The following LRP2BP variants were observed in gnomAD, a reference collection of about 807,000 sequenced individuals.
LRP2BP encodes the protein LRP2 binding protein.
LRP2BP carries 38 observed loss-of-function variants against 45.2 expected under a neutral mutation model. The observed-to-expected ratio is 0.84, with a 90% CI of 0.65 to 1.10. LRP2BP has a LOEUF of 1.10. Among genes scored for constraint, LRP2BP ranks in the 50% least tolerant of loss-of-function variants. LRP2BP has a pLI of 0.00. For missense variants in LRP2BP, 385 were observed against 418.9 expected, an observed-to-expected ratio of 0.92 and a Z score of 0.71; for synonymous variants, 153 against 153.9, an observed-to-expected ratio of 0.99 and a Z score of 0.04.
In LRP2BP at chr4:185,374,464, T is replaced by G. The variant is rs1384476924; in HGVS notation, c.331-3A>C. 6.2e-7 allele frequency: 1 copy of G among 1,604,394 alleles called. No homozygotes were observed. On this transcript the variant is annotated splice_region_variant and splice_polypyrimidine_tract_variant and intron_variant, in intron 4 of 8. Coordinates refer to ENST00000505916, the MANE Select transcript of LRP2BP (RefSeq NM_001377440.1). Reference sequence around the variant, plus strand: ...TTCATATAGTCCACCCCTTTCTCCTTCGACAAAAGAAAGAGCAAAAAAACC... The same window carrying G: ...TTCATATAGTCCACCCCTTTCTCCTGCGACAAAAGAAAGAGCAAAAAAACC...
At chr4:185,376,766 A>C (rs771167239) in intron 3 of LRP2BP, 143 bp downstream of exon 3, 1 of 611,584 alleles carries the variant, frequency 1.6e-6, no homozygotes, top group African/African-American at 1.8e-5. Context: ...ACTGTATCCT[A>C]CTGTTAAAGC....
chr4:185,371,886 G>C (rs535692026), intron 7 of LRP2BP, among the ~76,000 whole-genome samples: 33 of 152,126 alleles, frequency 2.2e-4, no homozygotes, highest in Non-Finnish European at 2.9e-4. Flanking sequence ...GCTCGGAGAG[G>C]GGGGAGACCT....
intron 8 of LRP2BP, among the ~76,000 whole-genome samples, chr4:185,368,106 A>G (rs2095397264): frequency 6.6e-6 from 1 of 152,162 alleles, no homozygotes; most frequent in African/African-American, 2.4e-5. Flanking sequence ...TGAACCTGGG[A>G]GGCGGAGCTT....
intron 4 of LRP2BP, 100 bp from the exon 5 acceptor site, chr4:185,374,561 G>A (rs1266079294): frequency 8.0e-6 from 10 of 1,243,532 alleles, no homozygotes; most frequent in East Asian, 7.0e-5. Flanking sequence ...CCTCTGACAC[G>A]ATGTATAATA....
intron 1 of LRP2BP, among the ~76,000 whole-genome samples, chr4:185,380,356 G>A (rs994255987): frequency 3.9e-5 from 6 of 152,068 alleles, no homozygotes; most frequent in Non-Finnish European, 7.4e-5. Flanking sequence ...TCACAGTTCC[G>A]GAGCCTAGAA....
rs2095385429 is a variant in LRP2BP at position 185,365,692 on chromosome 4, ATAATAATAATAAT to A, written c.*1475_*1487del. 4.3e-5 allele frequency: 6 copies of A among 138,798 alleles called. No individual in the cohort carries two copies. Among genetic ancestry groups the A allele is most frequent in the African/African-American group, 1.1e-4 (4 of 35,600 alleles). The allele number at this position is 138,798 out of a possible 1,614,324, so 8.6% of individuals were successfully genotyped here. The stretch of plus-strand genomic sequence containing the variant: ...GAGACTCCGTCTCAAAAAAAAAAAA[ATAATAATAATAAT>A]AATAATAATAATCTTTAGGAACTGG... On this transcript the variant is annotated 3_prime_UTR_variant, in exon 9 of 9. Transcript: ENST00000505916.
At chr4:185,387,782 GGT>G in intron 1 of LRP2BP, among the ~76,000 whole-genome samples, 1 of 152,340 alleles carries the variant, frequency 6.6e-6, no homozygotes, top group East Asian at 1.9e-4. Flanking sequence ...TTCTTGCAGA[GGT>G]GGGCAGCGTC....
At position 185,372,915 on chromosome 4, in the gene LRP2BP, A is replaced by T. The variant is rs1386059035; in HGVS notation, c.744T>A (p.Asn248Lys). 1 of 1,613,366 alleles carries T rather than the reference A, an allele frequency of 6.2e-7. No individual in the cohort carries two copies. Among genetic ancestry groups the T allele is most frequent in the South Asian group, 1.1e-5 (1 of 91,054 alleles). Residue 248 changes from asparagine (N) to lysine (K), a missense_variant, in exon 7 of 9, where the codon AAT becomes AAA. By Grantham distance (94) the Asn-to-Lys change is moderately conservative (BLOSUM62 0). Transcript: ENST00000505916. ...TCATCTTATAGTAATACTCCACGAG[A>T]TTCCCTTGAGCATAGACGTTTCCGC... Reference protein sequence around the residue: ...AERGNVYAQGNLVEYYYKMKF... With the variant: ...AERGNVYAQGKLVEYYYKMKF...
chr4:185,395,206 G>A lies in LRP2BP; in HGVS notation c.-449C>T. The A allele has an allele frequency of 1.0e-6, 1 of 985,340 alleles. No homozygotes were observed. The highest frequency in any genetic ancestry group is 1.2e-6 in the Non-Finnish European group (1 of 829,888). 61.0% of individuals were successfully genotyped at this position (985,340 alleles called of 1,614,324 possible). On this transcript the variant is annotated 5_prime_UTR_variant, in exon 1 of 9. Coordinates refer to ENST00000505916, the MANE Select transcript of LRP2BP (RefSeq NM_001377440.1). ...ATGAAATTTACGTATGTAACAGGAA[G>A]TTAAAAAATAACTACCACTTAATGC...
intron 7 of LRP2BP, among the ~76,000 whole-genome samples, chr4:185,371,540 T>TAA (rs11288148): frequency 1.5e-4 from 12 of 78,290 alleles, no homozygotes; most frequent in East Asian, 1.5e-3. Flanking sequence ...AGACTCCGTC[T>TAA]AAAAAAAAAA....
rs774268223 is a variant in LRP2BP, at chr4:185,378,110, T to G, written c.77A>C (p.Lys26Thr). Residue 26 changes from lysine to threonine, a missense_variant, in exon 2 of 9, where the codon AAA becomes ACA. Lys to Thr is a moderately conservative substitution (Grantham distance 78). Transcript: ENST00000505916. Reference protein sequence around the residue: ...SVSQYAAKNQKFFQWKKEKTD... With the variant: ...SVSQYAAKNQTFFQWKKEKTD... Reference sequence around the variant, plus strand: ...CTTTTCCTTTTTCCACTGGAAAAATTTTTGGTTTTTAGCAGCATACTGAGA... The same window carrying G: ...CTTTTCCTTTTTCCACTGGAAAAATGTTTGGTTTTTAGCAGCATACTGAGA... 2 of 1,613,862 alleles carry G rather than the reference T, an allele frequency of 1.2e-6. No homozygotes were observed. The highest frequency in any genetic ancestry group is 2.2e-5 in the South Asian group (2 of 91,000).
intron 1 of LRP2BP, among the ~76,000 whole-genome samples, chr4:185,384,675 G>A (rs1389956253): frequency 1.3e-5 from 2 of 149,864 alleles, no homozygotes; most frequent in Non-Finnish European, 1.5e-5. Flanking sequence ...AAGCCTCCCC[G>A]GCAAACCCTC....
intron 1 of LRP2BP, among the ~76,000 whole-genome samples, chr4:185,382,055 C>T (rs1401024705): frequency 6.6e-6 from 1 of 152,162 alleles, no homozygotes; most frequent in African/African-American, 2.4e-5. Flanking sequence ...TCCTGGCAAA[C>T]ACTAATCTAC....
intron 1 of LRP2BP, among the ~76,000 whole-genome samples, chr4:185,391,974 T>C (rs546104203): frequency 1.3e-5 from 2 of 152,350 alleles, no homozygotes; most frequent in Admixed American, 6.5e-5. Context: ...TAACTATGAA[T>C]TCTTATTGAC....
intron 1 of LRP2BP, among the ~76,000 whole-genome samples, chr4:185,379,213 T>C (rs1021140350): frequency 6.6e-6 from 1 of 152,248 alleles, no homozygotes; most frequent in Non-Finnish European, 1.5e-5. Flanking sequence ...CTTGATTATA[T>C]GATTCCCCAA....
upstream of LRP2BP, chr4:185,397,009 C>A: frequency 6.2e-7 from 1 of 1,610,716 alleles, no homozygotes; most frequent in Non-Finnish European, 8.5e-7. Flanking sequence ...CTTCTAGATT[C>A]GTCTTCTCGT....
intron 1 of LRP2BP, among the ~76,000 whole-genome samples, chr4:185,386,379 A>T (rs2095471906): frequency 6.6e-6 from 1 of 152,224 alleles, no homozygotes; most frequent in Admixed American, 6.5e-5. Flanking sequence ...ATAACACAAA[A>T]ATATAAACTA....
At chr4:185,390,483 C>CA (rs2095485301) in intron 1 of LRP2BP, 1 of 149,896 alleles carries the variant, frequency 6.7e-6, no homozygotes, top group African/African-American at 2.5e-5. Flanking sequence ...GGTGCCACTG[C>CA]ACTCCAGCCT....
At chr4:185,369,610 TA>T (rs1454929823) in intron 8 of LRP2BP, 4 of 318,918 alleles carry the variant, frequency 1.3e-5, no homozygotes, top group Non-Finnish European at 2.4e-5. Flanking sequence ...GGTGTAGAGG[TA>T]AATATCTTAA....
Sources: gnomAD v4.1 joint callset for allele counts (sites outside exome capture counted in the v4.1 genomes callset) on GRCh38, gnomAD v4.1.1 for gene constraint, MANE v1.5 for transcripts, NCBI Gene and HGNC (gene_info 2026-07-23, HGNC 2026-07-21) for gene names.